BICD1: variants seen among roughly 807,000 people sequenced by gnomAD.
The protein encoded by BICD1 is protein bicaudal D homolog 1.
In BICD1, 35 loss-of-function variants were observed where a neutral mutation model predicts 92.5. The ratio of observed to expected loss-of-function variants is 0.38; its 90% CI spans 0.29 to 0.50. The LOEUF (loss-of-function observed/expected upper bound fraction) is 0.50. BICD1 is among the 20% of genes least tolerant of loss of function. BICD1 has a pLI of 0.93. For synonymous variants in BICD1, 429 were observed against 465.1 expected (o/e 0.92, Z 1.00); for missense variants, 950 against 1,189.8 (o/e 0.80, Z 2.97).
intron 9 of BICD1, among the ~76,000 whole-genome samples, chr12:32,368,966 C>T (rs912226778): frequency 6.6e-6 from 1 of 152,166 alleles, no homozygotes. Flanking sequence ...AAAAGTGTTT[C>T]TGTGTTTCTG....
In BICD1 at chr12:32,305,706, G is replaced by C; in HGVS notation, c.589G>C (p.Glu197Gln). ...ATCCTGTCTGATTCAGGTTGAATACGAAGGCTTAAAGCATGAGATTAAGCG... is the reference window on the plus strand; with the variant it reads ...ATCCTGTCTGATTCAGGTTGAATACCAAGGCTTAAAGCATGAGATTAAGCG... ...STLKQNQVEY[E>Q]GLKHEIKRFE... Residue 197 changes from glutamate to glutamine, a missense_variant, in exon 4 of 10, where the codon GAA becomes CAA. Glu to Gln is a conservative substitution (Grantham distance 29). Around this residue, in one of 5 missense-constraint regions of BICD1, gnomAD observed 14 missense variants for 40.0 expected, o/e 0.35. Transcript: ENST00000652176. 6.2e-7 allele frequency: 1 copy of C among 1,605,992 alleles called. No individual in the cohort carries two copies. Among genetic ancestry groups the C allele is most frequent in the Non-Finnish European group, 8.5e-7 (1 of 1,176,874 alleles).
intron 4 of BICD1, among the ~76,000 whole-genome samples, chr12:32,310,018 T>C (rs1948332915): frequency 6.6e-6 from 1 of 152,126 alleles, no homozygotes; most frequent in Admixed American, 6.6e-5. Flanking sequence ...GTGCCTCTAA[T>C]CCAACAGCTG....
intron 1 of BICD1, among the ~76,000 whole-genome samples, chr12:32,148,742 G>A (rs773479140): frequency 3.9e-5 from 6 of 152,092 alleles, no homozygotes; most frequent in Non-Finnish European, 5.9e-5. Context: ...TAATGTTGCC[G>A]GGGACAGTGG....
intron 1 of BICD1, among the ~76,000 whole-genome samples, chr12:32,160,833 C>G (rs1943577478): frequency 6.6e-6 from 1 of 151,962 alleles, no homozygotes; most frequent in Non-Finnish European, 1.5e-5. Flanking sequence ...TTTGTTTTTT[C>G]CCCTCTTATT....
chr12:32,215,112 C>G (rs1193288297), intron 1 of BICD1, among the ~76,000 whole-genome samples: 1 of 152,016 alleles, frequency 6.6e-6, no homozygotes, highest in Admixed American at 6.6e-5. Context: ...GTCTGTAATC[C>G]CAGCTACATG....
intron 8 of BICD1, among the ~76,000 whole-genome samples, chr12:32,341,051 T>A (rs936558659): frequency 6.6e-6 from 1 of 152,226 alleles, no homozygotes; most frequent in African/African-American, 2.4e-5. Flanking sequence ...TCTGCTACTT[T>A]ATCCACACTG....
intron 2 of BICD1, among the ~76,000 whole-genome samples, chr12:32,218,644 A>G (rs1945427960): frequency 6.6e-6 from 1 of 152,216 alleles, no homozygotes; most frequent in Admixed American, 6.5e-5. Flanking sequence ...ATAACTTGTT[A>G]TATCCACATT....
Position 32,379,011 on chromosome 12 carries a change from G to A in BICD1, c.*1384G>A, listed in dbSNP as rs1940092474. ...CACTCTCGGGCTCCTTAACCATCAA[G>A]TGCTGCCCACACAATTGCTCCTAGC... On this transcript the variant is annotated 3_prime_UTR_variant, in exon 10 of 10. Transcript: ENST00000652176. 6.6e-6 allele frequency: 1 copy of A among 152,206 alleles called. No individual in the cohort carries two copies. Among genetic ancestry groups the A allele is most frequent in the Non-Finnish European group, 1.5e-5 (1 of 68,026 alleles). 9.4% of individuals were successfully genotyped at this position (152,206 alleles called of 1,614,324 possible).
At chr12:32,233,871 G>T (rs544920570) in intron 2 of BICD1, among the ~76,000 whole-genome samples, 2 of 152,192 alleles carry the variant, frequency 1.3e-5, no homozygotes, top group East Asian at 1.9e-4. Context: ...GCCTGATTAA[G>T]ATTCTGTTCA....
chr12:32,293,903 T>G, intron 2 of BICD1, 91 bp from the exon 3 acceptor site: 1 of 1,328,964 alleles, frequency 7.5e-7, no homozygotes, highest in African/African-American at 1.5e-5. Flanking sequence ...CATGAGGTGT[T>G]TTTATTATTA....
At chr12:32,223,541 C>T (rs905151792) in intron 2 of BICD1, among the ~76,000 whole-genome samples, 3 of 142,476 alleles carry the variant, frequency 2.1e-5, no homozygotes, top group African/African-American at 5.2e-5. Flanking sequence ...AAAAAAGAAT[C>T]AAAGAGAGCC....
intron 3 of BICD1, among the ~76,000 whole-genome samples, chr12:32,295,809 C>T (rs1029879721): frequency 6.6e-6 from 1 of 151,992 alleles, no homozygotes; most frequent in Non-Finnish European, 1.5e-5. Flanking sequence ...TGAGCCACCA[C>T]ACCCAGCTAA....
chr12:32,170,206 T>C (rs1943896476), intron 1 of BICD1, among the ~76,000 whole-genome samples: 1 of 152,174 alleles, frequency 6.6e-6, no homozygotes, highest in African/African-American at 2.4e-5. Flanking sequence ...AAAGAAAAAA[T>C]AACTGCTAGA....
rs778786985 is a variant in BICD1 at position 32,338,841 on chromosome 12, T to G, written c.2626T>G (p.Tyr876Asp). ...QSRPRTSGAS[Y>D]LQNLLRVPPD... ...CCGTCCCAGGACTTCAGGGGCTTCC[T>G]ACCTACAGAATTTATTAAGAGTTCC... The change falls in exon 8 of 10, where the codon TAC (tyrosine) becomes GAC (aspartate). Residue 876 changes from tyrosine (Y) to aspartate (D), a missense_variant. Tyr to Asp is a radical substitution (Grantham distance 160, BLOSUM62 -3). This residue lies in a region of BICD1 where 179 missense variants were observed against 186.7 expected (regional missense o/e 0.96). Transcript: ENST00000652176. 1 of 1,605,808 alleles carries G rather than the reference T, an allele frequency of 6.2e-7. No individual in the cohort carries two copies. The highest frequency in any genetic ancestry group is 1.1e-5 in the South Asian group (1 of 89,432).
chr12:32,273,856 G>T (rs1947206418), intron 2 of BICD1, among the ~76,000 whole-genome samples: 1 of 152,238 alleles, frequency 6.6e-6, no homozygotes, highest in Admixed American at 6.5e-5. Flanking sequence ...AAGCGAGAGG[G>T]AGTCTTGCCA....
intron 2 of BICD1, among the ~76,000 whole-genome samples, chr12:32,288,065 C>T (rs557580303): frequency 6.6e-6 from 1 of 152,292 alleles, no homozygotes; most frequent in South Asian, 2.1e-4. Context: ...GAGGCTCAGG[C>T]TCAGAACTCC....
chr12:32,142,425 AAAAAAAC>A (rs1942959308), intron 1 of BICD1, among the ~76,000 whole-genome samples: 3 of 48,250 alleles, frequency 6.2e-5, no homozygotes, highest in South Asian at 6.6e-4. Context: ...AAAAAAAAAA[AAAAAAAC>A]AAAAAACCCC....
intron 1 of BICD1, among the ~76,000 whole-genome samples, chr12:32,132,112 T>C (rs1942565188): frequency 6.6e-6 from 1 of 151,970 alleles, no homozygotes; most frequent in Non-Finnish European, 1.5e-5. Context: ...AAAGTAACAG[T>C]AAGTGTAAAG....
intron 1 of BICD1, among the ~76,000 whole-genome samples, chr12:32,210,274 G>A (rs161959): frequency 6.6e-6 from 1 of 152,078 alleles, no homozygotes; most frequent in African/African-American, 2.4e-5. Flanking sequence ...CAAATCAAAA[G>A]TATTTTGTCT....
Sources: allele counts gnomAD v4.1 joint callset (sites outside exome capture counted in the v4.1 genomes callset), GRCh38; gene constraint gnomAD v4.1.1; regional missense constraint gnomAD v4.1.1; transcripts MANE v1.5; gene names NCBI Gene and HGNC (gene_info 2026-07-23, HGNC 2026-07-21).